Variants in ATXN10 observed in about 807,000 individuals in gnomAD.
The protein encoded by ATXN10 is ataxin-10.
A neutral mutation model predicts 52.9 loss-of-function variants in ATXN10; 28 were observed. That is an observed-to-expected ratio of 0.53 (90% CI 0.39 to 0.73). The LOEUF (loss-of-function observed/expected upper bound fraction) is 0.73. Ranked by LOEUF, ATXN10 falls within the 30% of genes least tolerant of loss-of-function variation. The pLI is 0.00. For synonymous variants in ATXN10, 226 were observed against 221.5 expected (o/e 1.02, Z -0.18); for missense variants, 565 against 577.0 (o/e 0.98, Z 0.21).
chr22:45,723,297 A>G (rs1336447636), intron 6 of ATXN10, among the ~76,000 whole-genome samples: 1 of 151,956 alleles, frequency 6.6e-6, no homozygotes, highest in African/African-American at 2.4e-5. Context: ...GATGGGTTGT[A>G]TAGTGGTGTG....
intron 6 of ATXN10, among the ~76,000 whole-genome samples, chr22:45,720,818 A>C (rs539180406): frequency 6.6e-6 from 1 of 152,282 alleles, no homozygotes; most frequent in South Asian, 2.1e-4. Flanking sequence ...GAGAGTGGGT[A>C]ATTTATAAAG....
rs1445008787 is a variant in ATXN10, at chr22:45,805,191, A to C, written c.1174-1768A>C. ...TCACTTACACTAGAATGCCTACTAC[A>C]AAAGACAGACAATAGCAAGTGTTTA... On this transcript the variant is annotated intron_variant, in intron 9 of 11. Coordinates refer to ENST00000252934, the MANE Select transcript of ATXN10 (RefSeq NM_013236.4). The surrounding 1 kb of genome is among the most constrained non-coding windows in gnomAD (Gnocchi z 4.4). 6.6e-6 allele frequency among the ~76,000 whole-genome samples: 1 copy of C among 152,206 alleles called. No individual in the cohort carries two copies. Among genetic ancestry groups the C allele is most frequent in the Non-Finnish European group, 1.5e-5 (1 of 68,046 alleles).
At chr22:45,768,265 G>A (rs1276984163) in intron 9 of ATXN10, among the ~76,000 whole-genome samples, 1 of 152,070 alleles carries the variant, frequency 6.6e-6, no homozygotes, top group Non-Finnish European at 1.5e-5. Context: ...AAATGGGGAA[G>A]GTGGACCTCG....
Position 45,702,680 on chromosome 22 carries a change from G to GTT in ATXN10, c.489-7_489-6dup. 6.2e-7 allele frequency: 1 copy of GTT among 1,613,616 alleles called. No individual in the cohort carries two copies. Among genetic ancestry groups the GTT allele is most frequent in the Non-Finnish European group, 8.5e-7 (1 of 1,179,810 alleles). ...ATTGGGCTAACAATCTCATTTCCTT[G>GTT]TTTGGAAGGTCTTGCTTAAATCATC... is the stretch of plus-strand genomic sequence containing the variant. On this transcript the variant is annotated splice_polypyrimidine_tract_variant and intron_variant, in intron 4 of 11. Coordinates refer to ENST00000252934, the MANE Select transcript of ATXN10 (RefSeq NM_013236.4).
At chr22:45,729,985 A>G (rs1462988189) in intron 7 of ATXN10, among the ~76,000 whole-genome samples, 1 of 152,166 alleles carries the variant, frequency 6.6e-6, no homozygotes, top group African/African-American at 2.4e-5. Flanking sequence ...TGTATATGGT[A>G]GGCACTGAAC....
Position 45,818,892 on chromosome 22 carries a change from G to A in ATXN10, c.1237+11870G>A, listed in dbSNP as rs1928554552. Among the ~76,000 whole-genome samples, 1 of 152,178 alleles carries A rather than the reference G, an allele frequency of 6.6e-6. No individual in the cohort carries two copies. Among genetic ancestry groups the A allele is most frequent in the Non-Finnish European group, 1.5e-5 (1 of 68,024 alleles). The stretch of plus-strand genomic sequence containing the variant: ...AGAGCCAAGCCCCGTGACTGATGCA[G>A]GCTGATGGCAGCATCCTGGGGCCTG... On this transcript the variant is annotated intron_variant, in intron 10 of 11. Coordinates refer to ENST00000252934, the MANE Select transcript of ATXN10 (RefSeq NM_013236.4). This position sits in a 1 kb window ranked among gnomAD's most constrained non-coding sequence, Gnocchi z 4.6.
rs1339242100 is a variant in ATXN10 at position 45,837,828 on chromosome 22, CT to C, written c.1238-5160del. On this transcript the variant is annotated intron_variant, in intron 10 of 11. Coordinates refer to ENST00000252934, the MANE Select transcript of ATXN10 (RefSeq NM_013236.4). This position sits in a 1 kb window ranked among gnomAD's most constrained non-coding sequence, Gnocchi z 5.8. ...TTTTCATGTGCCAGAAATCAGTATTCTTTAGATTTTTTTCCAATCATCTAAA... is the reference window on the plus strand; with the variant it reads ...TTTTCATGTGCCAGAAATCAGTATTCTTAGATTTTTTTCCAATCATCTAAA... Among the ~76,000 whole-genome samples the C allele has an allele frequency of 3.3e-4, 51 of 152,268 alleles. No homozygotes were observed. Among genetic ancestry groups the C allele is most frequent in the African/African-American group, 1.2e-3 (49 of 41,556 alleles).
chr22:45,736,474 T>C (rs1447161391), intron 7 of ATXN10, among the ~76,000 whole-genome samples: 2 of 147,498 alleles, frequency 1.4e-5, no homozygotes, highest in Non-Finnish European at 2.9e-5. Context: ...ACCTTACAGA[T>C]AAGGGCCACC....
rs1656266047 is a variant in ATXN10, at chr22:45,688,376, G to T, written c.117-1336G>T. ...AAATAAATACGAGAAAAAGATAAGG[G>T]GGGAAATTAGGGGTAGTGGAAAAGC... is the stretch of plus-strand genomic sequence containing the variant. On this transcript the variant is annotated intron_variant, in intron 1 of 11. Transcript: ENST00000252934. This position sits in a 1 kb window ranked among gnomAD's most constrained non-coding sequence, Gnocchi z 4.0. Among the ~76,000 whole-genome samples the T allele has an allele frequency of 6.6e-6, 1 of 152,116 alleles. No homozygotes were observed. Among genetic ancestry groups the T allele is most frequent in the African/African-American group, 2.4e-5 (1 of 41,420 alleles).
rs370798744 is a variant in ATXN10 at position 45,752,740 on chromosome 22, C to T, written c.1173+12202C>T. The stretch of plus-strand genomic sequence containing the variant: ...ATTTTGTGGTTCTTTTTCAGATCCA[C>T]TTCTTTTTTTTTTTTGAGACGGAGT... On this transcript the variant is annotated intron_variant, in intron 9 of 11. Coordinates refer to ENST00000252934, the MANE Select transcript of ATXN10 (RefSeq NM_013236.4). 7.3e-5 allele frequency among the ~76,000 whole-genome samples: 11 copies of T among 151,220 alleles called. No homozygotes were observed. In the South Asian group the frequency reaches 1.9e-3, roughly 26 times the overall value.
chr22:45,751,236 G>A (rs1925936277), intron 9 of ATXN10, among the ~76,000 whole-genome samples: 1 of 152,110 alleles, frequency 6.6e-6, no homozygotes. Context: ...CAGCCTCTTT[G>A]TTCTTCTTTT....
chr22:45,676,468 G>A (rs1922693912), intron 1 of ATXN10: 1 of 151,328 alleles, frequency 6.6e-6, no homozygotes, highest in Non-Finnish European at 1.5e-5. Context: ...AGTTGCATTA[G>A]CCATATTTTT....
chr22:45,723,753 T>G (rs1162985579), intron 6 of ATXN10, among the ~76,000 whole-genome samples: 1 of 152,080 alleles, frequency 6.6e-6, no homozygotes, highest in Admixed American at 6.5e-5. Flanking sequence ...ACCAGGAGTT[T>G]GAGACTAGCC....
intron 9 of ATXN10, among the ~76,000 whole-genome samples, chr22:45,745,234 A>G (rs1197984062): frequency 2.6e-5 from 4 of 152,162 alleles, no homozygotes; most frequent in African/African-American, 9.7e-5. Flanking sequence ...TCTTTTCACT[A>G]TTGTCATAAC....
At chr22:45,807,050 C>T (rs374785629) in intron 10 of ATXN10, 28 bp downstream of exon 10, 1 of 1,593,822 alleles carries the variant, frequency 6.3e-7, no homozygotes, top group East Asian at 2.2e-5. Context: ...TTACCATGCA[C>T]AAGTTTACAG....
At chr22:45,815,827 G>A (rs1928440560) in intron 10 of ATXN10, among the ~76,000 whole-genome samples, 1 of 152,194 alleles carries the variant, frequency 6.6e-6, no homozygotes. Context: ...CTTCATCCAT[G>A]TAAAGGATGA....
chr22:45,714,996 C>G (rs17572781), intron 5 of ATXN10, among the ~76,000 whole-genome samples: 12,778 of 152,238 alleles, frequency 0.084, 668 homozygotes, highest in Middle Eastern at 0.15. Flanking sequence ...TCCCTATACC[C>G]TTACTGCTCC....
intron 9 of ATXN10, among the ~76,000 whole-genome samples, chr22:45,792,101 G>A (rs1332301828): frequency 6.6e-6 from 1 of 151,850 alleles, no homozygotes; most frequent in African/African-American, 2.4e-5. Flanking sequence ...CTCAATCTTA[G>A]CACTATCCTT....
chr22:45,775,267 T>G lies in ATXN10; in HGVS notation c.1174-31692T>G, dbSNP rs1926910306. On this transcript the variant is annotated intron_variant, in intron 9 of 11. Coordinates refer to ENST00000252934, the MANE Select transcript of ATXN10 (RefSeq NM_013236.4). This position sits in a 1 kb window ranked among gnomAD's most constrained non-coding sequence, Gnocchi z 4.7. ...AACAGGAGGCTACTGGTCCTGGGCA[T>G]GGGGCTGTGTCCCTGTCCCTGTGTT... is the stretch of plus-strand genomic sequence containing the variant. Among the ~76,000 whole-genome samples the G allele has an allele frequency of 7.2e-5, 11 of 152,176 alleles. No individual in the cohort carries two copies.
Sources: gnomAD v4.1 joint callset for allele counts (sites outside exome capture counted in the v4.1 genomes callset) on GRCh38, gnomAD v4.1.1 for gene constraint, Gnocchi (gnomAD v3.1) non-coding constraint, MANE v1.5 for transcripts, NCBI Gene and HGNC (gene_info 2026-07-23, HGNC 2026-07-21) for gene names.